GPD2: variants seen among roughly 807,000 people sequenced by gnomAD.
The protein encoded by GPD2 is glycerol-3-phosphate dehydrogenase, mitochondrial.
A neutral mutation model predicts 82.4 loss-of-function variants in GPD2; 54 were observed. That is an observed-to-expected ratio of 0.66 (90% CI 0.53 to 0.82). The LOEUF (loss-of-function observed/expected upper bound fraction) is 0.82, where lower values mean the gene tolerates loss of function less well. Among genes scored for constraint, GPD2 ranks in the 40% least tolerant of loss-of-function variants. The pLI is 0.00. For synonymous variants in GPD2, 288 were observed against 306.1 expected, an observed-to-expected ratio of 0.94 and a Z score of 0.62; for missense variants, 748 against 896.2, an observed-to-expected ratio of 0.83 and a Z score of 2.11.
chr2:156,529,520 A>G (rs1200349554), intron 6 of GPD2, among the ~76,000 whole-genome samples: 1 of 151,424 alleles, frequency 6.6e-6, no homozygotes, highest in Non-Finnish European at 1.5e-5. Context: ...GCCCATGCCT[A>G]TGTCCTGAAT....
the GPD2 span, among the ~76,000 whole-genome samples, chr2:156,409,018 C>T: frequency 6.6e-6 from 1 of 152,256 alleles, no homozygotes; most frequent in African/African-American, 2.4e-5. Flanking sequence ...GAGAGACACG[C>T]ATACCATCTG....
Position 156,567,153 on chromosome 2 carries a change from A to G in GPD2, c.1166-1672A>G, listed in dbSNP as rs948222269. 6.6e-5 allele frequency among the ~76,000 whole-genome samples: 10 copies of G among 152,032 alleles called. No homozygotes were observed. In the East Asian group the frequency reaches 1.5e-3, roughly 24 times the overall value. On this transcript the variant is annotated intron_variant, in intron 9 of 16. Coordinates refer to ENST00000438166, the MANE Select transcript of GPD2 (RefSeq NM_000408.5). ...TATATGATTTACCGGTATTTTCTCTATTCTATGAGGTACCTTTTCATTCTG... is the reference window on the plus strand; with the variant it reads ...TATATGATTTACCGGTATTTTCTCTGTTCTATGAGGTACCTTTTCATTCTG...
At chr2:156,410,209 G>A in the GPD2 span, among the ~76,000 whole-genome samples, 1 of 152,192 alleles carries the variant, frequency 6.6e-6, no homozygotes, top group Middle Eastern at 3.2e-3. Flanking sequence ...ACATGCGGGT[G>A]AATACTCAGT....
rs116790305 is a variant in GPD2, at chr2:156,571,251, C to G, written c.1726C>G (p.Leu576Val). 475 of 1,612,586 alleles carry G rather than the reference C, an allele frequency of 2.9e-4. 1 individual carries two copies. The African/African-American group carries it at 5.7e-3, about 19-fold the overall frequency. The change falls in exon 13 of 17, where the codon CTG becomes GTG. Residue 576 changes from leucine (L) to valine (V), a missense_variant. Transcript: ENST00000438166. ...AEEALPRIVE[L>V]MGRELNWDDY... ...GGAAGCCCTACCCAGGATTGTTGAACTGATGGGCAGGGAACTGAATTGGGA... is the reference window on the plus strand; with the variant it reads ...GGAAGCCCTACCCAGGATTGTTGAAGTGATGGGCAGGGAACTGAATTGGGA...
chr2:156,457,056 T>A (rs1162922314), intron 1 of GPD2, among the ~76,000 whole-genome samples: 1 of 152,118 alleles, frequency 6.6e-6, no homozygotes, highest in East Asian at 1.9e-4. Flanking sequence ...TCTTGAGAAA[T>A]AGCTTGATTT....
intron 6 of GPD2, among the ~76,000 whole-genome samples, chr2:156,541,794 T>A (rs1686321705): frequency 6.6e-6 from 1 of 151,710 alleles, no homozygotes; most frequent in African/African-American, 2.4e-5. Flanking sequence ...CCTTTTCCTT[T>A]TTCTTCCTTA....
chr2:156,483,860 A>G (rs1394711224), intron 2 of GPD2, among the ~76,000 whole-genome samples: 1 of 152,158 alleles, frequency 6.6e-6, no homozygotes, highest in African/African-American at 2.4e-5. Context: ...ATTTAACCTC[A>G]ATTAGAAACA....
At position 156,542,307 on chromosome 2, in the gene GPD2, A is replaced by G. The variant is rs77823193; in HGVS notation, c.662-7301A>G. 1.8e-4 allele frequency among the ~76,000 whole-genome samples: 28 copies of G among 152,328 alleles called. No homozygotes were observed. In the East Asian group the frequency reaches 4.8e-3, roughly 26 times the overall value. ...AGAAAGGCCTGTAGAATTATGATGC[A>G]GGTCACATCCTGTGCCTGCATTTAA... On this transcript the variant is annotated intron_variant, in intron 6 of 16. Transcript: ENST00000438166.
upstream of GPD2, among the ~76,000 whole-genome samples, chr2:156,432,705 TTATC>T (rs1483376403): frequency 2.0e-5 from 3 of 152,222 alleles, no homozygotes; most frequent in Non-Finnish European, 2.9e-5. Flanking sequence ...TTGGAGAAAA[TTATC>T]TACTATACAA....
At chr2:156,536,144 G>A (rs955936972) in intron 6 of GPD2, among the ~76,000 whole-genome samples, 20 of 152,336 alleles carry the variant, frequency 1.3e-4, no homozygotes, top group African/African-American at 4.8e-4. Flanking sequence ...CCTTATGTAT[G>A]TAAGTAGTAA....
chr2:156,400,466 G>T, the GPD2 span, among the ~76,000 whole-genome samples: 1 of 152,182 alleles, frequency 6.6e-6, no homozygotes, highest in Admixed American at 6.5e-5. Context: ...TTGGGCACCC[G>T]GGAGTCCCGC....
the GPD2 span, among the ~76,000 whole-genome samples, chr2:156,403,746 T>C: frequency 2.6e-5 from 4 of 152,168 alleles, no homozygotes; most frequent in East Asian, 7.7e-4. Context: ...TTAACTTGCC[T>C]CTTTTTCTGT....
intron 10 of GPD2, 80 bp downstream of exon 10, chr2:156,569,039 G>A: frequency 1.6e-6 from 2 of 1,246,542 alleles, no homozygotes; most frequent in African/African-American, 1.5e-5. Flanking sequence ...ATGTTGCCCA[G>A]GAGGGTCTTG....
chr2:156,522,758 A>C (rs995818122), intron 6 of GPD2, among the ~76,000 whole-genome samples: 1 of 149,340 alleles, frequency 6.7e-6, no homozygotes, highest in African/African-American at 2.5e-5. Flanking sequence ...TATGATCTCT[A>C]TTTTACAGGA....
chr2:156,539,363 CTCACACAT>C (rs1007308651), intron 6 of GPD2, among the ~76,000 whole-genome samples: 4 of 152,170 alleles, frequency 2.6e-5, no homozygotes, highest in Non-Finnish European at 4.4e-5. Flanking sequence ...GGGTCCTGAA[CTCACACAT>C]TCGGAGTCTC....
upstream of GPD2, among the ~76,000 whole-genome samples, chr2:156,434,471 A>AAAAC (rs1214604900): frequency 6.6e-6 from 1 of 152,162 alleles, no homozygotes; most frequent in Non-Finnish European, 1.5e-5. Flanking sequence ...TTTACATAAA[A>AAAAC]AAACAAACTA....
chr2:156,402,944 A>C, the GPD2 span, among the ~76,000 whole-genome samples: 2 of 152,010 alleles, frequency 1.3e-5, no homozygotes, highest in South Asian at 4.1e-4. Context: ...ACAAAGGCAA[A>C]TAAATAGGGA....
chr2:156,432,032 G>A (rs559042007), upstream of GPD2, among the ~76,000 whole-genome samples: 247 of 151,932 alleles, frequency 1.6e-3, no homozygotes, highest in African/African-American at 5.0e-3. Flanking sequence ...GACTACAGGC[G>A]TGTGCCACCA....
chr2:156,544,462 G>T (rs1237521897), intron 6 of GPD2, among the ~76,000 whole-genome samples: 2 of 152,178 alleles, frequency 1.3e-5, no homozygotes, highest in East Asian at 3.8e-4. Context: ...GCTACAGGGA[G>T]GGGTGAAGGA....
Sources: allele counts gnomAD v4.1 joint callset (sites outside exome capture counted in the v4.1 genomes callset), GRCh38; gene constraint gnomAD v4.1.1; transcripts MANE v1.5; gene names NCBI Gene and HGNC (gene_info 2026-07-23, HGNC 2026-07-21).